The following TNIK variants were observed in gnomAD, a reference collection of about 807,000 sequenced individuals.
TNIK encodes the protein TRAF2 and NCK interacting kinase.
TNIK carries 49 observed loss-of-function variants against 191.3 expected under a neutral mutation model. The ratio of observed to expected loss-of-function variants is 0.26; its 90% CI spans 0.20 to 0.32. TNIK has a LOEUF of 0.32. TNIK is among the 10% of genes least tolerant of loss of function. TNIK has a pLI of 1.00. For synonymous variants in TNIK, 594 were observed against 600.9 expected (o/e 0.99, Z 0.17); for missense variants, 1,155 against 1,702.3 (o/e 0.68, Z 5.66).
intron 7 of TNIK, among the ~76,000 whole-genome samples, chr3:171,178,601 A>G (rs1037175446): frequency 1.3e-5 from 2 of 152,192 alleles, no homozygotes; most frequent in African/African-American, 4.8e-5. Context: ...GTCTCTAAAT[A>G]TTGCATGAGA....
chr3:171,117,236 T>C (rs1020706536), intron 18 of TNIK, among the ~76,000 whole-genome samples: 1 of 152,186 alleles, frequency 6.6e-6, no homozygotes, highest in Non-Finnish European at 1.5e-5. Flanking sequence ...TGGTGCTGTG[T>C]CAGTCAAGAA....
chr3:171,454,948 A>C (rs1728618364), intron 1 of TNIK, among the ~76,000 whole-genome samples: 1 of 152,248 alleles, frequency 6.6e-6, no homozygotes, highest in African/African-American at 2.4e-5. Context: ...TTTGTATTTG[A>C]ATAATCGGTA....
intron 2 of TNIK, among the ~76,000 whole-genome samples, chr3:171,273,579 G>A (rs998472907): frequency 2.6e-5 from 4 of 152,124 alleles, no homozygotes; most frequent in African/African-American, 9.7e-5. Flanking sequence ...CGCATGGATA[G>A]TTGTTCAAAT....
In TNIK at chr3:171,161,203, A is replaced by C. The variant is rs1028173089; in HGVS notation, c.1016+67T>G. 4 of 1,526,358 alleles carry C rather than the reference A, an allele frequency of 2.6e-6. No homozygotes were observed. In the African/African-American group the frequency reaches 5.5e-5, roughly 21 times the overall value. The allele number at this position is 1,526,358 out of a possible 1,614,324, so 94.6% of individuals were successfully genotyped here. A position where few individuals can be genotyped will look rare whatever the true frequency, so the allele number is the denominator to read the frequency against. Reference sequence around the variant, plus strand: ...AAAAACGAACCTATAAATCAAAAGGAAAGTGAATTTCACACAAGCACAATT... The same window carrying C: ...AAAAACGAACCTATAAATCAAAAGGCAAGTGAATTTCACACAAGCACAATT... On this transcript the variant is annotated intron_variant, in intron 11 of 32. Coordinates refer to ENST00000436636, the MANE Select transcript of TNIK (RefSeq NM_015028.4).
At position 171,062,863 on chromosome 3, in the gene TNIK, C is replaced by G. The variant is rs1717971608; in HGVS notation, c.*1018G>C. The G allele has an allele frequency of 6.6e-6, 1 of 152,152 alleles. No homozygotes were observed. The highest frequency in any genetic ancestry group is 1.5e-5 in the Non-Finnish European group (1 of 68,028). 9.4% of individuals were successfully genotyped at this position (152,152 alleles called of 1,614,324 possible). A position where few individuals can be genotyped will look rare whatever the true frequency, so the allele number is the denominator to read the frequency against. On this transcript the variant is annotated 3_prime_UTR_variant, in exon 33 of 33. Transcript: ENST00000436636. ...GTTCAGAGCCTGAATATCATCCACT[C>G]TCCAAGTCCCAGAAAGAACTCAACA...
chr3:171,201,422 T>A (rs1043739373), intron 4 of TNIK, among the ~76,000 whole-genome samples: 3 of 151,568 alleles, frequency 2.0e-5, no homozygotes, highest in South Asian at 2.1e-4. Flanking sequence ...TAAATAAATA[T>A]AAATAAAAAT....
chr3:171,206,972 G>C (rs1247414209), intron 4 of TNIK, among the ~76,000 whole-genome samples: 1 of 152,056 alleles, frequency 6.6e-6, no homozygotes, highest in East Asian at 1.9e-4. Flanking sequence ...TCTAGAAATA[G>C]CTGTTCTAGC....
In TNIK at chr3:171,079,553, A is replaced by G; in HGVS notation, c.3413T>C (p.Val1138Ala). Residue 1138 changes from valine (V) to alanine (A), a missense_variant, in exon 28 of 33, where the codon GTT becomes GCT. Val to Ala is a moderately conservative substitution (Grantham distance 64). Around this residue, in one of 3 missense-constraint regions of TNIK, gnomAD observed 195 missense variants for 415.4 expected, o/e 0.47. Coordinates refer to ENST00000436636, the MANE Select transcript of TNIK (RefSeq NM_015028.4). ...ATGTATACAGCCTTCCAAGTCCCCA[A>G]CAGTGATCCAGCCTTGTTTCTTTTC... ...EVEKKQGWIT[V>A]GDLEGCIHYK... is the part of the protein sequence containing the mutation. 1.9e-6 allele frequency: 3 copies of G among 1,613,746 alleles called. No individual in the cohort carries two copies. The highest frequency in any genetic ancestry group is 1.7e-4 in the Middle Eastern group (1 of 6,058).
In TNIK at chr3:171,310,835, AAAAG is replaced by A. The variant is rs531797334; in HGVS notation, c.123+58781_123+58784del. Among the ~76,000 whole-genome samples, 196 of 152,274 alleles carry A rather than the reference AAAAG, an allele frequency of 1.3e-3. 1 individual carries two copies. The highest frequency in any genetic ancestry group is 4.6e-3 in the African/African-American group (190 of 41,558). On this transcript the variant is annotated intron_variant, in intron 2 of 32. Coordinates refer to ENST00000436636, the MANE Select transcript of TNIK (RefSeq NM_015028.4). ...GAGTTAAAAAACAAACAAACAAACA[AAAAG>A]AAAGCTGATAGCACACTCTTTAGAA...
intron 1 of TNIK, among the ~76,000 whole-genome samples, chr3:171,432,619 T>C (rs1410707835): frequency 6.6e-6 from 1 of 152,218 alleles, no homozygotes; most frequent in Non-Finnish European, 1.5e-5. Flanking sequence ...ACCATTAGCC[T>C]ATGAACCATC....
chr3:171,422,890 T>C (rs1724016908), intron 1 of TNIK, among the ~76,000 whole-genome samples: 1 of 152,236 alleles, frequency 6.6e-6, no homozygotes, highest in Non-Finnish European at 1.5e-5. Flanking sequence ...ATGAAAAAGC[T>C]GAACTATGCA....
chr3:171,143,044 A>G (rs933631939), intron 12 of TNIK, among the ~76,000 whole-genome samples: 3 of 152,296 alleles, frequency 2.0e-5, no homozygotes, highest in East Asian at 1.9e-4. Flanking sequence ...GCAACTCAAG[A>G]GCGTCTGGGC....
chr3:171,101,581 T>C lies in TNIK; in HGVS notation c.2459A>G (p.Asn820Ser), dbSNP rs991276161. The C allele has an allele frequency of 3.7e-6, 6 of 1,613,214 alleles. No homozygotes were observed. The Admixed American group carries it at 1.0e-4, about 27-fold the overall frequency. ...ATCAGTCACCTTCTTCATTGGGCGGTTTGTTTCTTCAATCCGGAGTTCTCT... is the reference window on the plus strand; with the variant it reads ...ATCAGTCACCTTCTTCATTGGGCGGCTTGTTTCTTCAATCCGGAGTTCTCT... ...ELRELRIEET[N>S]RPMKKVTDYS... The change falls in exon 22 of 33, where the codon AAC becomes AGC. Residue 820 changes from asparagine (N) to serine (S), a missense_variant. Physicochemically the swap from Asn to Ser is conservative, Grantham distance 46 (BLOSUM62 1). Around this residue, in one of 3 missense-constraint regions of TNIK, gnomAD observed 735 missense variants for 848.0 expected, o/e 0.87. Coordinates refer to ENST00000436636, the MANE Select transcript of TNIK (RefSeq NM_015028.4).
At chr3:171,448,910 A>G (rs1727844138) in intron 1 of TNIK, among the ~76,000 whole-genome samples, 1 of 149,802 alleles carries the variant, frequency 6.7e-6, no homozygotes, top group Admixed American at 6.6e-5. Context: ...CTAGCCCCCC[A>G]TTTACTGACA....
intron 2 of TNIK, among the ~76,000 whole-genome samples, chr3:171,236,334 T>C (rs1343607925): frequency 6.6e-6 from 1 of 152,202 alleles, no homozygotes; most frequent in Non-Finnish European, 1.5e-5. Context: ...TAAGAATGGC[T>C]TACGGTGTCC....
chr3:171,312,111 A>AG (rs1754085247), intron 2 of TNIK, among the ~76,000 whole-genome samples: 1 of 101,148 alleles, frequency 9.9e-6, no homozygotes, highest in Non-Finnish European at 2.0e-5. Context: ...GCAGCTCCAG[A>AG]TTAAAAAAAA....
rs1717653759 is a variant in TNIK at position 171,059,642 on chromosome 3, G to A, written c.*4239C>T. Among the ~76,000 whole-genome samples the A allele has an allele frequency of 6.6e-6, 1 of 152,120 alleles. No individual in the cohort carries two copies. Among genetic ancestry groups the A allele is most frequent in the African/African-American group, 2.4e-5 (1 of 41,430 alleles). On this transcript the variant is annotated 3_prime_UTR_variant, in exon 33 of 33. Coordinates refer to ENST00000436636, the MANE Select transcript of TNIK (RefSeq NM_015028.4). Reference sequence around the variant, plus strand: ...CCCAATTTATTTAAGATCCATGAAAGGACAGCTTACTTTAGGGTTCCTGAT... The same window carrying A: ...CCCAATTTATTTAAGATCCATGAAAAGACAGCTTACTTTAGGGTTCCTGAT...
chr3:171,305,357 G>T (rs978507659), intron 2 of TNIK, among the ~76,000 whole-genome samples: 1 of 145,358 alleles, frequency 6.9e-6, no homozygotes, highest in African/African-American at 2.7e-5. Context: ...AGCAAAACTT[G>T]ACAAATGGGA....
At chr3:171,198,119 A>G (rs900943101) in intron 4 of TNIK, among the ~76,000 whole-genome samples, 2 of 152,198 alleles carry the variant, frequency 1.3e-5, no homozygotes, top group Admixed American at 6.5e-5. Context: ...TGATATGTGG[A>G]TGAATCACGT....
Sources: gnomAD v4.1 joint callset for allele counts (sites outside exome capture counted in the v4.1 genomes callset) on GRCh38, gnomAD v4.1.1 for gene constraint, gnomAD v4.1.1 regional missense constraint, MANE v1.5 for transcripts, NCBI Gene and HGNC (gene_info 2026-07-23, HGNC 2026-07-21) for gene names.